HECTD4: variants seen among roughly 807,000 people sequenced by gnomAD.
The protein encoded by HECTD4 is HECT domain E3 ubiquitin protein ligase 4, also known as probable E3 ubiquitin-protein ligase HECTD4.
In HECTD4, 114 loss-of-function variants were observed where a neutral mutation model predicts 471.5. The ratio of observed to expected loss-of-function variants is 0.24; its 90% confidence interval spans 0.21 to 0.28. The LOEUF (loss-of-function observed/expected upper bound fraction) is 0.28, where lower values mean the gene tolerates loss of function less well. HECTD4 is among the 10% of genes least tolerant of loss of function. The pLI, the probability that HECTD4 is intolerant of heterozygous loss-of-function variation, is 1.00. For missense variants in HECTD4, 3,866 were observed against 5,651.5 expected, an observed-to-expected ratio of 0.68 and a Z score of 10.13; for synonymous variants, 2,012 against 2,256.0, an observed-to-expected ratio of 0.89 and a Z score of 3.07.
intron 44 of HECTD4, among the ~76,000 whole-genome samples, chr12:112,221,542 G>A (rs928131051): frequency 6.6e-6 from 1 of 151,946 alleles, no homozygotes; most frequent in Non-Finnish European, 1.5e-5. Context: ...CCCAGCCTCA[G>A]GAGCATTTTA....
chr12:112,280,031 C>A (rs984922222), intron 8 of HECTD4, among the ~76,000 whole-genome samples: 1 of 152,112 alleles, frequency 6.6e-6, no homozygotes, highest in Non-Finnish European at 1.5e-5. Flanking sequence ...GGATGAACAA[C>A]CTATATTCCA....
chr12:112,302,790 A>G, intron 7 of HECTD4: 1 of 272,000 alleles, frequency 3.7e-6, no homozygotes, highest in Non-Finnish European at 6.8e-6. Context: ...GTTTAATTTT[A>G]AAACTTTTTA....
At position 112,162,867 on chromosome 12, in the gene HECTD4, C is replaced by G; in HGVS notation, c.13120+175G>C. ...TTTTAAGATATGAGAAAGTATCTAA[C>G]AGCAGGCCTGTATGGCTGGTTCCTG... On this transcript the variant is annotated intron_variant, in intron 75 of 75. Transcript: ENST00000682272. This position sits in a 1 kb window ranked among gnomAD's most constrained non-coding sequence, Gnocchi z 5.2. 1 of 591,678 alleles carries G rather than the reference C, an allele frequency of 1.7e-6. No homozygotes were observed. Among genetic ancestry groups the G allele is most frequent in the Non-Finnish European group, 3.0e-6 (1 of 334,770 alleles). The allele number at this position is 591,678 out of a possible 1,614,324, so 36.7% of individuals were successfully genotyped here.
At chr12:112,189,550 C>CAAAAAAAAAAAAAAAAAAAAA (rs57209316) in intron 60 of HECTD4, among the ~76,000 whole-genome samples, 1 of 30,466 alleles carries the variant, frequency 3.3e-5, no homozygotes, top group African/African-American at 1.1e-4. Context: ...GACTCCGTCT[C>CAAAAAAAAAAAAAAAAAAAAA]AAAAAAAAAA....
At chr12:112,268,516 G>A (rs2034331417) in intron 13 of HECTD4, among the ~76,000 whole-genome samples, 2 of 152,124 alleles carry the variant, frequency 1.3e-5, no homozygotes, top group South Asian at 4.1e-4. Flanking sequence ...AGTACTTTGG[G>A]AGGCCAAGGT....
intron 72 of HECTD4, among the ~76,000 whole-genome samples, chr12:112,165,500 C>T (rs1194781780): frequency 2.0e-5 from 3 of 151,612 alleles, no homozygotes; most frequent in Non-Finnish European, 4.4e-5. Flanking sequence ...TACAGGCGCC[C>T]GCCACCATGC....
At chr12:112,312,234 A>G (rs1006826841) in intron 4 of HECTD4, among the ~76,000 whole-genome samples, 39 of 152,332 alleles carry the variant, frequency 2.6e-4, no homozygotes, top group African/African-American at 9.4e-4. Context: ...GGTTTTTTTA[A>G]AATTCCTATT....
intron 7 of HECTD4, among the ~76,000 whole-genome samples, chr12:112,287,915 G>A (rs1477805572): frequency 6.6e-6 from 1 of 152,152 alleles, no homozygotes; most frequent in Non-Finnish European, 1.5e-5. Flanking sequence ...GCTCCATGTG[G>A]GTAGACTGTC....
At chr12:112,348,630 T>C (rs951100061) in intron 1 of HECTD4, among the ~76,000 whole-genome samples, 1 of 152,132 alleles carries the variant, frequency 6.6e-6, no homozygotes, top group Non-Finnish European at 1.5e-5. Context: ...CACAGTGGTG[T>C]GTGCGTATAG....
chr12:112,200,434 G>A (rs1454576377), intron 55 of HECTD4, among the ~76,000 whole-genome samples: 1 of 152,070 alleles, frequency 6.6e-6, no homozygotes, highest in Non-Finnish European at 1.5e-5. Context: ...GATTACAGGC[G>A]TGAGCTACCA....
chr12:112,341,042 A>T (rs965573270), intron 1 of HECTD4, among the ~76,000 whole-genome samples: 1 of 152,330 alleles, frequency 6.6e-6, no homozygotes, highest in Non-Finnish European at 1.5e-5. Flanking sequence ...TCTTTTTCGA[A>T]TTAACTCTAA....
Position 112,248,306 on chromosome 12 carries a change from T to C in HECTD4, c.4143+14A>G, listed in dbSNP as rs1480873374. ...CATAAAAGAAATTGTTTCCAACAGT[T>C]ATCAGACATTTACCTGCAGCTGTCT... On this transcript the variant is annotated intron_variant, in intron 26 of 75. Transcript: ENST00000682272. 6.4e-7 allele frequency: 1 copy of C among 1,567,452 alleles called. No individual in the cohort carries two copies. The highest frequency in any genetic ancestry group is 1.9e-5 in the Admixed American group (1 of 53,562).
intron 60 of HECTD4, among the ~76,000 whole-genome samples, chr12:112,187,010 G>A (rs1018478417): frequency 3.6e-5 from 5 of 138,232 alleles, no homozygotes; most frequent in South Asian, 2.3e-4. Context: ...ATGGAGTTTC[G>A]CTCTTGTTGC....
chr12:112,252,998 G>A (rs968522452), intron 22 of HECTD4, among the ~76,000 whole-genome samples: 7 of 151,256 alleles, frequency 4.6e-5, no homozygotes, highest in Admixed American at 4.6e-4. Flanking sequence ...TTTTTTTGTA[G>A]AGACAAGGTC....
intron 59 of HECTD4, 52 bp from the exon 60 acceptor site, chr12:112,191,017 A>C (rs553371657): frequency 6.8e-7 from 1 of 1,461,216 alleles, no homozygotes; most frequent in East Asian, 2.5e-5. Flanking sequence ...CCTGACCCAA[A>C]TAAGCCTCAC....
intron 49 of HECTD4, among the ~76,000 whole-genome samples, chr12:112,210,492 T>C (rs1008371798): frequency 2.6e-5 from 4 of 152,170 alleles, no homozygotes; most frequent in African/African-American, 4.8e-5. Flanking sequence ...CTCAAACACA[T>C]TGACCTCTCT....
Position 112,230,702 on chromosome 12 carries a change from G to A in HECTD4, c.6321C>T (p.Thr2107=), listed in dbSNP as rs2033358058. The change falls in exon 40 of 76, where the codon ACC becomes ACT. Residue 2107 remains threonine (T), a synonymous_variant. Transcript: ENST00000682272. ...CTGCGCTAACCTTCTCTGCTGTTGT[G>A]GTCCATATTTGAGCAGCATTTGATT... ...APESNAAQIW[T]TTAEKVLSRA... 1 of 1,610,560 alleles carries A rather than the reference G, an allele frequency of 6.2e-7. No homozygotes were observed. Among genetic ancestry groups the A allele is most frequent in the Non-Finnish European group, 8.5e-7 (1 of 1,178,334 alleles).
rs369549479 is a variant in HECTD4, at chr12:112,289,673, CTTTG to C, written c.1336-6375_1336-6372del. On this transcript the variant is annotated intron_variant, in intron 7 of 75. Coordinates refer to ENST00000682272, the MANE Select transcript of HECTD4 (RefSeq NM_001388303.1). Reference sequence around the variant, plus strand: ...ATAAATAAGAAAAGCTACCATTATTCTTTGTTTGTTTGTTTGTTTTTTTGAGACA... The same window carrying C: ...ATAAATAAGAAAAGCTACCATTATTCTTTGTTTGTTTGTTTTTTTGAGACA... 2.9e-3 allele frequency among the ~76,000 whole-genome samples: 446 copies of C among 151,752 alleles called. 1 individual carries two copies. The highest frequency in any genetic ancestry group is 9.7e-3 in the African/African-American group (400 of 41,430).
At chr12:112,280,944 T>C (rs898416727) in intron 8 of HECTD4, among the ~76,000 whole-genome samples, 2 of 151,932 alleles carry the variant, frequency 1.3e-5, no homozygotes, top group East Asian at 3.9e-4. Flanking sequence ...GAGCCCACCA[T>C]CACACCCGGC....
Sources: allele counts gnomAD v4.1 joint callset (sites outside exome capture counted in the v4.1 genomes callset), GRCh38; gene constraint gnomAD v4.1.1; non-coding constraint Gnocchi (gnomAD v3.1); transcripts MANE v1.5; gene names NCBI Gene and HGNC (gene_info 2026-07-23, HGNC 2026-07-21).